LRRC18: variants seen among roughly 807,000 people sequenced by gnomAD.
LRRC18 encodes the protein leucine rich repeat containing 18, also known as leucine-rich repeat-containing protein 18.
LRRC18 carries 12 observed loss-of-function variants against 11.2 expected under a neutral mutation model. The observed-to-expected ratio is 1.07, with a 90% CI of 0.69 to 1.74. The LOEUF is 1.74. LRRC18 is among the 40% of genes most tolerant of loss of function. LRRC18 has a pLI of 0.00. For synonymous variants in LRRC18, 155 were observed against 130.6 expected, an observed-to-expected ratio of 1.19 and a Z score of -1.27; for missense variants, 374 against 330.5, an observed-to-expected ratio of 1.13 and a Z score of -1.02.
the LRRC18 span, among the ~76,000 whole-genome samples, chr10:48,924,743 A>T: frequency 6.6e-5 from 10 of 152,234 alleles, no homozygotes; most frequent in Non-Finnish European, 8.8e-5. Flanking sequence ...TATCTAAATT[A>T]AAAAAGTAAT....
chr10:48,934,841 C>A, the LRRC18 span, among the ~76,000 whole-genome samples: 4 of 152,116 alleles, frequency 2.6e-5, no homozygotes, highest in Non-Finnish European at 5.9e-5. Context: ...TCACAGAGAC[C>A]CAGACTTTGG....
At chr10:48,924,073 C>T in the LRRC18 span, among the ~76,000 whole-genome samples, 1 of 152,206 alleles carries the variant, frequency 6.6e-6, no homozygotes, top group East Asian at 1.9e-4. Flanking sequence ...CCTTTGGCTC[C>T]AAGCCTGCCC....
the LRRC18 span, among the ~76,000 whole-genome samples, chr10:48,921,328 T>G: frequency 6.6e-6 from 1 of 152,136 alleles, no homozygotes; most frequent in African/African-American, 2.4e-5. Context: ...GGCCAAATGG[T>G]CAATTGATTT....
At chr10:48,913,154 T>C (rs909469369) in intron 1 of LRRC18, among the ~76,000 whole-genome samples, 2 of 152,212 alleles carry the variant, frequency 1.3e-5, no homozygotes, top group Admixed American at 1.3e-4. Flanking sequence ...TGACTCACTG[T>C]GCCTGTACTT....
chr10:48,914,371 G>A, upstream of LRRC18: 2 of 568,174 alleles, frequency 3.5e-6, no homozygotes, highest in Non-Finnish European at 3.1e-6. Flanking sequence ...AGTGGACCCA[G>A]CCCAGCCATA....
chr10:48,928,353 CGT>C, the LRRC18 span, among the ~76,000 whole-genome samples: 4,354 of 124,944 alleles, frequency 0.035, 76 homozygotes, highest in Middle Eastern at 0.044. Context: ...TTGGTTTTGA[CGT>C]GTGTGTGTGT....
chr10:48,910,249 C>G lies in LRRC18; in HGVS notation c.774G>C (p.Leu258Phe), dbSNP rs776051625. 6.4e-6 allele frequency: 10 copies of G among 1,561,444 alleles called. No homozygotes were observed. In the Admixed American group the frequency reaches 1.5e-4, roughly 24 times the overall value. ...TGCCACAGCTACTCTAGGAAGATGT[C>G]AAGCGTATTCTGGGGATGGAGACAC... The change falls in exon 2 of 2, where the codon TTG (leucine) becomes TTC (phenylalanine). Residue 258 changes from leucine to phenylalanine, a missense_variant. Transcript: ENST00000374160.
rs1361644011 is a variant in LRRC18, at chr10:48,910,019, T to C, written c.*218A>G. ...TTCTATATACATTTTAAAAACCACA[T>C]CAAATATTTCCCAAAGTCATTTTCA... is the stretch of plus-strand genomic sequence containing the variant. On this transcript the variant is annotated 3_prime_UTR_variant, in exon 2 of 2. Coordinates refer to ENST00000374160, the Ensembl canonical transcript of LRRC18. The C allele has an allele frequency of 1.4e-5, 8 of 558,558 alleles. No individual in the cohort carries two copies. In the East Asian group the frequency reaches 2.3e-4, roughly 16 times the overall value. 34.6% of individuals were successfully genotyped at this position (558,558 alleles called of 1,614,324 possible).
At chr10:48,925,325 A>T in the LRRC18 span, among the ~76,000 whole-genome samples, 5 of 151,926 alleles carry the variant, frequency 3.3e-5, no homozygotes, top group Non-Finnish European at 7.4e-5. Context: ...GATGAAGTCC[A>T]TGGGAGGTGG....
At chr10:48,912,574 A>G (rs1254028272) in intron 1 of LRRC18, among the ~76,000 whole-genome samples, 1 of 152,212 alleles carries the variant, frequency 6.6e-6, no homozygotes, top group Admixed American at 6.5e-5. Flanking sequence ...TCCAGCTTGC[A>G]CCAGGCAAGC....
upstream of LRRC18, among the ~76,000 whole-genome samples, chr10:48,914,634 G>A (rs1838335182): frequency 6.6e-6 from 1 of 152,124 alleles, no homozygotes; most frequent in South Asian, 2.1e-4. Context: ...ACAAGTTCCT[G>A]GGGAGGGACT....
upstream of LRRC18, among the ~76,000 whole-genome samples, chr10:48,915,697 C>T (rs181479739): frequency 1.6e-4 from 24 of 152,296 alleles, no homozygotes; most frequent in African/African-American, 5.5e-4. Flanking sequence ...CCACTGTCAC[C>T]ACTCATAGCT....
intron 1 of LRRC18, chr10:48,910,947 A>G (rs1837942699): frequency 2.0e-6 from 2 of 981,070 alleles, no homozygotes. Flanking sequence ...TGAATACCTA[A>G]GGAGGGAAAA....
chr10:48,934,052 G>A, the LRRC18 span, among the ~76,000 whole-genome samples: 3 of 152,102 alleles, frequency 2.0e-5, no homozygotes, highest in Non-Finnish European at 4.4e-5. Context: ...TGGAGGCTGA[G>A]GCTCAAACCC....
intron 1 of LRRC18, among the ~76,000 whole-genome samples, chr10:48,911,689 A>C (rs1224859971): frequency 6.6e-6 from 1 of 152,256 alleles, no homozygotes; most frequent in East Asian, 1.9e-4. Context: ...ACAGAAAAAT[A>C]ACTAGTAAGG....
upstream of LRRC18, among the ~76,000 whole-genome samples, chr10:48,915,806 CT>C (rs1441302688): frequency 6.6e-6 from 1 of 152,166 alleles, no homozygotes; most frequent in Non-Finnish European, 1.5e-5. Flanking sequence ...GTTCTTAGCT[CT>C]TGGCAGCATT....
chr10:48,929,710 T>C, the LRRC18 span, among the ~76,000 whole-genome samples: 1 of 152,206 alleles, frequency 6.6e-6, no homozygotes, highest in East Asian at 1.9e-4. Context: ...TACTTAGCAT[T>C]TCTTCTTGGA....
chr10:48,918,100 G>A (rs2889697), upstream of LRRC18, among the ~76,000 whole-genome samples: 9,671 of 152,100 alleles, frequency 0.064, 501 homozygotes, highest in Admixed American at 0.17. Context: ...ATAGTAAATA[G>A]TAAAAAACTA....
At chr10:48,922,767 C>A in the LRRC18 span, among the ~76,000 whole-genome samples, 3 of 152,158 alleles carry the variant, frequency 2.0e-5, no homozygotes, top group African/African-American at 7.2e-5. Context: ...AAGCATTTTG[C>A]CTAATAAAAA....
Sources: allele counts gnomAD v4.1 joint callset (sites outside exome capture counted in the v4.1 genomes callset), GRCh38; gene constraint gnomAD v4.1.1; transcripts MANE v1.5; gene names NCBI Gene and HGNC (gene_info 2026-07-23, HGNC 2026-07-21).